The following GALNT13 variants were observed in gnomAD, a reference collection of about 807,000 sequenced individuals.
The protein encoded by GALNT13 is polypeptide N-acetylgalactosaminyltransferase 13, also known as UDP-GalNAc:polypeptide N-acetylgalactosaminyltransferase 13.
A neutral mutation model predicts 64.2 loss-of-function variants in GALNT13; 28 were observed. That is an observed-to-expected ratio of 0.44 (90% CI 0.32 to 0.60). The LOEUF (loss-of-function observed/expected upper bound fraction) is 0.60, where lower values mean the gene tolerates loss of function less well. Ranked by LOEUF, GALNT13 falls within the 20% of genes least tolerant of loss-of-function variation. The pLI, the probability that GALNT13 is intolerant of heterozygous loss-of-function variation, is 0.05. For synonymous variants in GALNT13, 214 were observed against 224.6 expected (o/e 0.95, Z 0.42); for missense variants, 577 against 669.8 (o/e 0.86, Z 1.53).
the GALNT13 span, among the ~76,000 whole-genome samples, chr2:153,765,136 G>T: frequency 5.3e-5 from 8 of 152,214 alleles, no homozygotes; most frequent in African/African-American, 1.9e-4. Flanking sequence ...GGTCCCCATT[G>T]GTGCACTGCC....
At chr2:154,339,943 T>C (rs1397532385) in intron 9 of GALNT13, among the ~76,000 whole-genome samples, 2 of 152,122 alleles carry the variant, frequency 1.3e-5, no homozygotes, top group South Asian at 4.1e-4. Context: ...GTTTTGTAAA[T>C]ATATATTTTA....
At chr2:153,267,212 C>G in the GALNT13 span, among the ~76,000 whole-genome samples, 1 of 152,194 alleles carries the variant, frequency 6.6e-6, no homozygotes, top group Admixed American at 6.5e-5. Context: ...TAAGGTACAG[C>G]CCCTGAAGCT....
intron 9 of GALNT13, among the ~76,000 whole-genome samples, chr2:154,358,960 A>G (rs1346237206): frequency 6.6e-6 from 1 of 152,116 alleles, no homozygotes; most frequent in East Asian, 1.9e-4. Flanking sequence ...AAAATAGGAC[A>G]AAACAAATTT....
upstream of GALNT13, among the ~76,000 whole-genome samples, chr2:153,870,580 C>T (rs563984146): frequency 4.0e-5 from 6 of 151,622 alleles, no homozygotes; most frequent in African/African-American, 1.5e-4. Flanking sequence ...GGTAAATGCT[C>T]CATAATTGAC....
chr2:153,332,994 G>A, the GALNT13 span, among the ~76,000 whole-genome samples: 15 of 152,172 alleles, frequency 9.9e-5, no homozygotes, highest in Admixed American at 9.8e-4. Flanking sequence ...TTGTAATAGG[G>A]AAGAGCACAA....
chr2:153,144,442 G>A, the GALNT13 span, among the ~76,000 whole-genome samples: 1 of 151,868 alleles, frequency 6.6e-6, no homozygotes, highest in African/African-American at 2.4e-5. Flanking sequence ...GTCTTCTTGG[G>A]CTCTAAATAA....
At chr2:153,445,716 ATC>A in the GALNT13 span, among the ~76,000 whole-genome samples, 22 of 152,260 alleles carry the variant, frequency 1.4e-4, no homozygotes, top group South Asian at 4.4e-3. Flanking sequence ...TTTAAAAATA[ATC>A]TCTGTTTTCT....
At chr2:153,797,465 A>G in the GALNT13 span, among the ~76,000 whole-genome samples, 12 of 152,138 alleles carry the variant, frequency 7.9e-5, no homozygotes, top group Non-Finnish European at 1.3e-4. Context: ...CAGAAGCTCA[A>G]CCATCCTAAA....
chr2:153,478,169 G>A, the GALNT13 span: 4 of 1,306,442 alleles, frequency 3.1e-6, no homozygotes, highest in Non-Finnish European at 4.3e-6. Flanking sequence ...CTCTGATAGT[G>A]AGGGGCACAG....
At chr2:153,589,141 AAAAAG>A in the GALNT13 span, among the ~76,000 whole-genome samples, 3 of 151,984 alleles carry the variant, frequency 2.0e-5, no homozygotes, top group Non-Finnish European at 4.4e-5. Flanking sequence ...GTCTCAAAAA[AAAAAG>A]AAAAGAAAAG....
At chr2:154,231,641 C>G (rs575195111) in intron 4 of GALNT13, among the ~76,000 whole-genome samples, 1 of 151,622 alleles carries the variant, frequency 6.6e-6, no homozygotes, top group East Asian at 2.0e-4. Flanking sequence ...AGTTCTATTT[C>G]TACAGTTTTA....
intron 4 of GALNT13, among the ~76,000 whole-genome samples, chr2:154,238,810 C>A (rs1205170989): frequency 6.6e-6 from 1 of 151,908 alleles, no homozygotes; most frequent in Non-Finnish European, 1.5e-5. Context: ...AACACGTCTG[C>A]CAGCTCACAT....
the GALNT13 span, among the ~76,000 whole-genome samples, chr2:153,497,284 A>C: frequency 6.6e-6 from 1 of 152,014 alleles, no homozygotes; most frequent in Non-Finnish European, 1.5e-5. Flanking sequence ...AAACCACCTC[A>C]AGTATATAAG....
At chr2:153,841,962 G>A in the GALNT13 span, among the ~76,000 whole-genome samples, 43 of 152,254 alleles carry the variant, frequency 2.8e-4, no homozygotes, top group African/African-American at 9.9e-4. Flanking sequence ...GAAGACAAAT[G>A]AGGCTAGTAC....
At chr2:154,443,257 A>T (rs1206353921) in intron 12 of GALNT13, among the ~76,000 whole-genome samples, 1 of 152,104 alleles carries the variant, frequency 6.6e-6, no homozygotes, top group Non-Finnish European at 1.5e-5. Context: ...GATTAGCGTC[A>T]TATTTGTAGT....
chr2:153,597,071 CAT>C, the GALNT13 span, among the ~76,000 whole-genome samples: 2 of 152,216 alleles, frequency 1.3e-5, no homozygotes, highest in Admixed American at 1.3e-4. Flanking sequence ...ATTCTTTTCT[CAT>C]TTCTATTCTA....
the GALNT13 span, among the ~76,000 whole-genome samples, chr2:153,416,699 A>G: frequency 6.6e-6 from 1 of 152,210 alleles, no homozygotes; most frequent in Non-Finnish European, 1.5e-5. Flanking sequence ...TGCTGATTGT[A>G]TTAGTTGATT....
chr2:153,937,365 TGA>T (rs1691011300), intron 2 of GALNT13, among the ~76,000 whole-genome samples: 1 of 152,196 alleles, frequency 6.6e-6, no homozygotes, highest in Admixed American at 6.5e-5. Context: ...TTGTGCTAAA[TGA>T]GAGAAGACAG....
chr2:153,272,837 T>G, the GALNT13 span, among the ~76,000 whole-genome samples: 1 of 151,548 alleles, frequency 6.6e-6, no homozygotes, highest in Non-Finnish European at 1.5e-5. Flanking sequence ...TGCAGCACTA[T>G]TCACAATCGC....
Sources: gnomAD v4.1 joint callset for allele counts (sites outside exome capture counted in the v4.1 genomes callset) on GRCh38, gnomAD v4.1.1 for gene constraint, MANE v1.5 for transcripts, NCBI Gene and HGNC (gene_info 2026-07-23, HGNC 2026-07-21) for gene names.